The following BZW1 variants were observed in gnomAD, a reference collection of about 807,000 sequenced individuals.
The protein encoded by BZW1 is basic leucine zipper and W2 domains 1.
In BZW1, 3 loss-of-function variants were observed where a neutral mutation model predicts 54.1. The ratio of observed to expected loss-of-function variants is 0.06; its 90% CI spans 0.03 to 0.14. The LOEUF (loss-of-function observed/expected upper bound fraction) is 0.14. Ranked by LOEUF, BZW1 falls within the 10% of genes least tolerant of loss-of-function variation. BZW1 has a pLI of 1.00. For synonymous variants in BZW1, 152 were observed against 162.7 expected (o/e 0.93, Z 0.50); for missense variants, 206 against 491.7 (o/e 0.42, Z 5.50).
chr2:200,821,425 T>TTTTA, intron 11 of BZW1, 120 bp downstream of exon 11: 1 of 1,262,388 alleles, frequency 7.9e-7, no homozygotes, highest in Non-Finnish European at 1.1e-6. Flanking sequence ...GAGATTTTTG[T>TTTTA]TATAAGGCAG....
At chr2:200,813,657 T>C (rs2038173744) in intron 2 of BZW1, among the ~76,000 whole-genome samples, 1 of 152,228 alleles carries the variant, frequency 6.6e-6, no homozygotes, top group Non-Finnish European at 1.5e-5. Context: ...CCAGATTTTG[T>C]GAAGATTTGT....
chr2:200,816,199 T>C lies in BZW1; in HGVS notation c.337-126T>C, dbSNP rs546142119. 3.4e-5 allele frequency: 19 copies of C among 562,664 alleles called. No homozygotes were observed. In the East Asian group the frequency reaches 5.2e-4, roughly 15 times the overall value. 34.9% of individuals were successfully genotyped at this position (562,664 alleles called of 1,614,324 possible). A position where few individuals can be genotyped will look rare whatever the true frequency, so the allele number is the denominator to read the frequency against. On this transcript the variant is annotated intron_variant, in intron 4 of 11. Coordinates refer to ENST00000409600, the MANE Select transcript of BZW1 (RefSeq NM_001207067.2). Reference sequence around the variant, plus strand: ...AGTACATCTAACCTGGACATTCTTATGTGTCACTAGGAATTCTTCTCAAGC... The same window carrying C: ...AGTACATCTAACCTGGACATTCTTACGTGTCACTAGGAATTCTTCTCAAGC...
Position 200,818,955 on chromosome 2 carries a change from A to C in BZW1, c.966+54A>C, listed in dbSNP as rs1320307697. 3 of 1,499,534 alleles carry C rather than the reference A, an allele frequency of 2.0e-6. No individual in the cohort carries two copies. The African/African-American group carries it at 4.3e-5, about 22-fold the overall frequency. 92.9% of individuals were successfully genotyped at this position (1,499,534 alleles called of 1,614,324 possible). ...ACTATTCTGCTTTCACGTGGTGATA[A>C]GTGAACTGTGACTATATTTTTCTAA... is the stretch of plus-strand genomic sequence containing the variant. On this transcript the variant is annotated intron_variant, in intron 9 of 11. Transcript: ENST00000409600.
chr2:200,815,501 G>T lies in BZW1; in HGVS notation c.225G>T (p.Val75=). The change falls in exon 3 of 12, where the codon GTG becomes GTT. Residue 75 remains valine, a synonymous_variant. Transcript: ENST00000409600. Reference sequence around the variant, plus strand: ...CAGAAACACTCTTTGACATTCTGGTGGCTGGTGGAATGCTGGGTAAGTGTC... The same window carrying T: ...CAGAAACACTCTTTGACATTCTGGTTGCTGGTGGAATGCTGGGTAAGTGTC... ...RYAETLFDIL[V]AGGMLAPGGT... is the part of the protein sequence containing the mutation. 2 of 1,613,950 alleles carry T rather than the reference G, an allele frequency of 1.2e-6. No homozygotes were observed. Among genetic ancestry groups the T allele is most frequent in the Non-Finnish European group, 8.5e-7 (1 of 1,179,870 alleles).
intron 2 of BZW1, among the ~76,000 whole-genome samples, chr2:200,814,506 A>ATG (rs1194494960): frequency 2.0e-5 from 3 of 152,224 alleles, no homozygotes; most frequent in Non-Finnish European, 4.4e-5. Context: ...AAACCCTATT[A>ATG]TGAAGTGTGT....
At chr2:200,816,241 T>G in intron 4 of BZW1, 84 bp from the exon 5 acceptor site, 1 of 981,396 alleles carries the variant, frequency 1.0e-6, no homozygotes, top group Non-Finnish European at 1.5e-6. Context: ...AAGCAGCTCA[T>G]AAACTTACAT....
In BZW1 at chr2:200,825,418, A is replaced by AT. The variant is rs35058325; in HGVS notation, c.*3246dup. 1 of 151,878 alleles carries AT rather than the reference A, an allele frequency of 6.6e-6. No individual in the cohort carries two copies. Among genetic ancestry groups the AT allele is most frequent in the Non-Finnish European group, 1.5e-5 (1 of 67,988 alleles). 9.4% of individuals were successfully genotyped at this position (151,878 alleles called of 1,614,324 possible). A position where few individuals can be genotyped will look rare whatever the true frequency, so the allele number is the denominator to read the frequency against. The stretch of plus-strand genomic sequence containing the variant: ...CCCCATTGAGAATGCATGCTCTAAT[A>AT]TTTTTTAAAAGGGAAGAAGACCTAG... On this transcript the variant is annotated 3_prime_UTR_variant, in exon 12 of 12. Coordinates refer to ENST00000409600, the MANE Select transcript of BZW1 (RefSeq NM_001207067.2).
At chr2:200,813,861 A>G (rs2038186861) in intron 2 of BZW1, among the ~76,000 whole-genome samples, 1 of 152,172 alleles carries the variant, frequency 6.6e-6, no homozygotes, top group South Asian at 2.1e-4. Context: ...GCTAAATAAG[A>G]CGTAGTCTCA....
At position 200,826,418 on chromosome 2, in the gene BZW1, T is replaced by TGATAGATAGATAGATAGA. The variant is rs1559318443; in HGVS notation, c.*4240_*4241insGATAGATAGATAGATAGA. 2 of 76,224 alleles carry TGATAGATAGATAGATAGA rather than the reference T, an allele frequency of 2.6e-5. No individual in the cohort carries two copies. Among genetic ancestry groups the TGATAGATAGATAGATAGA allele is most frequent in the East Asian group, 1.1e-3 (2 of 1,780 alleles). 4.7% of individuals were successfully genotyped at this position (76,224 alleles called of 1,614,324 possible). On this transcript the variant is annotated 3_prime_UTR_variant, in exon 12 of 12. Transcript: ENST00000409600. ...ATAGATAGATAGATATTTTTTTTTTTTTTTTTTTTTTTTTTTTTTTTTTTG... is the reference window on the plus strand; with the variant it reads ...ATAGATAGATAGATATTTTTTTTTTTGATAGATAGATAGATAGATTTTTTTTTTTTTTTTTTTTTTTTG...
intron 10 of BZW1, among the ~76,000 whole-genome samples, chr2:200,820,488 T>G (rs1164698387): frequency 6.6e-6 from 1 of 152,114 alleles, no homozygotes; most frequent in East Asian, 1.9e-4. Context: ...AAGACCGGCC[T>G]GGACTGCATA....
At chr2:200,818,565 C>T (rs2038378934) in intron 8 of BZW1, among the ~76,000 whole-genome samples, 172 bp downstream of exon 8, 1 of 152,146 alleles carries the variant, frequency 6.6e-6, no homozygotes, top group African/African-American at 2.4e-5. Flanking sequence ...GACTGAGGCC[C>T]AGAAATACAA....
intron 6 of BZW1, among the ~76,000 whole-genome samples, chr2:200,817,569 A>G (rs1366500441): frequency 1.3e-5 from 2 of 152,204 alleles, no homozygotes; most frequent in African/African-American, 2.4e-5. Flanking sequence ...GAAAATGTCA[A>G]GCTGGAAGGG....
At chr2:200,812,146 C>G in intron 1 of BZW1, 156 bp downstream of exon 1, 1 of 1,085,186 alleles carries the variant, frequency 9.2e-7, no homozygotes, top group Non-Finnish European at 1.2e-6. Context: ...GCCTGAAAGG[C>G]CGCCGCTTCG....
intron 10 of BZW1, 30 bp downstream of exon 10, chr2:200,820,150 CACTT>C (rs1457002871): frequency 1.8e-5 from 27 of 1,492,698 alleles, no homozygotes; most frequent in East Asian, 1.2e-4. Flanking sequence ...TTGTAAATAA[CACTT>C]AATAAAAACC....
At chr2:200,816,991 A>G in intron 5 of BZW1, 115 bp from the exon 6 acceptor site, 1 of 1,242,850 alleles carries the variant, frequency 8.0e-7, no homozygotes, top group Non-Finnish European at 1.1e-6. Flanking sequence ...GTAAACTTGG[A>G]TGGTTAGATC....
At chr2:200,821,122 T>A in intron 10 of BZW1, 61 bp from the exon 11 acceptor site, 1 of 1,562,744 alleles carries the variant, frequency 6.4e-7, no homozygotes, top group Non-Finnish European at 8.7e-7. Context: ...CATTAGGTGG[T>A]GGTTCTAACG....
intron 4 of BZW1, 36 bp from the exon 5 acceptor site, chr2:200,816,289 T>C (rs751003839): frequency 2.1e-6 from 3 of 1,462,400 alleles, no homozygotes; most frequent in Non-Finnish European, 2.8e-6. Flanking sequence ...TCTAGAAATA[T>C]ATGAAGTTAC....
rs2038612357 is a variant in BZW1 at position 200,823,754 on chromosome 2, C to G, written c.*1576C>G. Reference sequence around the variant, plus strand: ...CAGGCAAAATGTATTCACTAGATTTCTACGTAGTGATCTGCTTTTACTTTG... The same window carrying G: ...CAGGCAAAATGTATTCACTAGATTTGTACGTAGTGATCTGCTTTTACTTTG... On this transcript the variant is annotated 3_prime_UTR_variant, in exon 12 of 12. Coordinates refer to ENST00000409600, the MANE Select transcript of BZW1 (RefSeq NM_001207067.2). 1 of 152,072 alleles carries G rather than the reference C, an allele frequency of 6.6e-6. No homozygotes were observed. The highest frequency in any genetic ancestry group is 1.5e-5 in the Non-Finnish European group (1 of 67,890). The allele number at this position is 152,072 out of a possible 1,614,324, so 9.4% of individuals were successfully genotyped here. A position where few individuals can be genotyped will look rare whatever the true frequency, so the allele number is the denominator to read the frequency against.
At chr2:200,817,377 T>C (rs2038333675) in intron 6 of BZW1, 136 bp downstream of exon 6, 1 of 1,146,412 alleles carries the variant, frequency 8.7e-7, no homozygotes. Flanking sequence ...TTCAGTCTAA[T>C]TCACTAGACA....
Sources: allele counts gnomAD v4.1 joint callset (sites outside exome capture counted in the v4.1 genomes callset), GRCh38; gene constraint gnomAD v4.1.1; transcripts MANE v1.5; gene names NCBI Gene and HGNC (gene_info 2026-07-23, HGNC 2026-07-21).